The following LRRC3B variants were observed in gnomAD, a reference collection of about 807,000 sequenced individuals.
LRRC3B encodes the protein leucine rich repeat containing 3B.
A neutral mutation model predicts 12.8 loss-of-function variants in LRRC3B; 2 were observed. The observed-to-expected ratio is 0.16, with a 90% CI of 0.06 to 0.49. The LOEUF is 0.49. LRRC3B is among the 20% of genes least tolerant of loss of function. The pLI, the probability that LRRC3B is intolerant of heterozygous loss-of-function variation, is 0.96. For synonymous variants in LRRC3B, 132 were observed against 122.0 expected (o/e 1.08, Z -0.54); for missense variants, 189 against 319.4 (o/e 0.59, Z 3.11).
At chr3:26,705,101 A>G (rs1049208125) in intron 1 of LRRC3B, among the ~76,000 whole-genome samples, 2 of 152,180 alleles carry the variant, frequency 1.3e-5, no homozygotes, top group Non-Finnish European at 1.5e-5. Context: ...ATGAAAAGAA[A>G]GAAATAAGCA....
intron 1 of LRRC3B, among the ~76,000 whole-genome samples, chr3:26,690,795 G>T (rs1309599043): frequency 3.3e-5 from 5 of 151,866 alleles, no homozygotes; most frequent in Non-Finnish European, 7.4e-5. Context: ...AACATTTCTG[G>T]ACCATATCCA....
chr3:26,656,429 A>C (rs4327343), intron 1 of LRRC3B, among the ~76,000 whole-genome samples: 61,591 of 151,954 alleles, frequency 0.41, 13,157 homozygotes, highest in Middle Eastern at 0.5. Context: ...ATTATTGTGT[A>C]TACATGGCTT....
intron 1 of LRRC3B, among the ~76,000 whole-genome samples, chr3:26,646,079 T>C (rs1699137491): frequency 6.6e-6 from 1 of 152,206 alleles, no homozygotes; most frequent in East Asian, 1.9e-4. Context: ...ACATTCTCTA[T>C]ACACTTATCG....
At chr3:26,689,826 C>T (rs1021149737) in intron 1 of LRRC3B, among the ~76,000 whole-genome samples, 1 of 152,226 alleles carries the variant, frequency 6.6e-6, no homozygotes, top group South Asian at 2.1e-4. Context: ...ACAGCTGTAA[C>T]AGTCAGATGG....
In LRRC3B at chr3:26,674,405, ATAAAG is replaced by A. The variant is rs570409388; in HGVS notation, c.-160-35103_-160-35099del. On this transcript the variant is annotated intron_variant, in intron 1 of 1. Coordinates refer to ENST00000396641, the Ensembl canonical transcript of LRRC3B. ...TTTTGACTAATTTAGCCAGATCAAA[ATAAAG>A]TAAAATATTGGTATTATGCAAATGA... is the stretch of plus-strand genomic sequence containing the variant. Among the ~76,000 whole-genome samples the A allele has an allele frequency of 4.5e-4, 69 of 152,376 alleles. 1 individual carries two copies. Among genetic ancestry groups the A allele is most frequent in the African/African-American group, 1.6e-3 (67 of 41,592 alleles).
intron 1 of LRRC3B, among the ~76,000 whole-genome samples, chr3:26,706,516 G>T (rs1038110609): frequency 1.3e-5 from 2 of 152,172 alleles, no homozygotes; most frequent in African/African-American, 4.8e-5. Context: ...GGCGTGCTCT[G>T]TATTTGTACT....
In LRRC3B at chr3:26,684,241, G is replaced by A. The variant is rs143403312; in HGVS notation, c.-160-25272G>A. 5.8e-3 allele frequency among the ~76,000 whole-genome samples: 889 copies of A among 152,346 alleles called. 33 individuals are homozygous for A. The highest frequency in any genetic ancestry group is 0.043 in the Admixed American group (657 of 15,308). ...AAGGAACCAGGGGTGAAAGTAGATT[G>A]TATGTAACTGTCAATCCCACTGGTT... is the stretch of plus-strand genomic sequence containing the variant. On this transcript the variant is annotated intron_variant, in intron 1 of 1. Transcript: ENST00000396641.
At chr3:26,683,277 T>C (rs1433676678) in intron 1 of LRRC3B, among the ~76,000 whole-genome samples, 1 of 152,196 alleles carries the variant, frequency 6.6e-6, no homozygotes, top group Non-Finnish European at 1.5e-5. Flanking sequence ...AACTACATTA[T>C]AGGACCACTT....
chr3:26,671,011 C>CTTTTTTTTTTTTTTT (rs762788262), intron 1 of LRRC3B, among the ~76,000 whole-genome samples: 1 of 95,558 alleles, frequency 1.0e-5, no homozygotes, highest in African/African-American at 4.4e-5. Context: ...TCTCATGTAT[C>CTTTTTTTTTTTTTTT]TTTTTTTTTT....
intron 1 of LRRC3B, among the ~76,000 whole-genome samples, chr3:26,653,526 G>A (rs1412655467): frequency 6.6e-6 from 1 of 151,920 alleles, no homozygotes; most frequent in Non-Finnish European, 1.5e-5. Flanking sequence ...GGGAAGCTGA[G>A]AGAGATGAAG....
intron 1 of LRRC3B, among the ~76,000 whole-genome samples, chr3:26,645,621 C>A (rs1331786319): frequency 6.6e-6 from 1 of 151,938 alleles, no homozygotes; most frequent in Admixed American, 6.6e-5. Flanking sequence ...GCCTACTATG[C>A]TTCCGGCATT....
At chr3:26,679,063 A>G (rs1443991214) in intron 1 of LRRC3B, among the ~76,000 whole-genome samples, 2 of 152,226 alleles carry the variant, frequency 1.3e-5, no homozygotes, top group Non-Finnish European at 2.9e-5. Flanking sequence ...ATTGTTATGC[A>G]TAGCCATAAC....
intron 1 of LRRC3B, among the ~76,000 whole-genome samples, chr3:26,680,292 A>C (rs1699945478): frequency 6.6e-6 from 1 of 152,094 alleles, no homozygotes; most frequent in Non-Finnish European, 1.5e-5. Flanking sequence ...TAAATGTATA[A>C]ATTCTCTTCT....
chr3:26,646,798 G>A (rs1353552336), intron 1 of LRRC3B, among the ~76,000 whole-genome samples: 1 of 152,018 alleles, frequency 6.6e-6, no homozygotes, highest in Non-Finnish European at 1.5e-5. Context: ...CCAGATGGTA[G>A]GGTGTGGGTG....
At chr3:26,640,998 T>A (rs1699019516) in intron 1 of LRRC3B, among the ~76,000 whole-genome samples, 2 of 152,148 alleles carry the variant, frequency 1.3e-5, no homozygotes, top group South Asian at 4.1e-4. Context: ...ATAAACAGAC[T>A]TTCTACAGTT....
chr3:26,695,201 T>C (rs998219229), intron 1 of LRRC3B, among the ~76,000 whole-genome samples: 1 of 152,174 alleles, frequency 6.6e-6, no homozygotes, highest in South Asian at 2.1e-4. Flanking sequence ...AATCTCTTTA[T>C]GACAAATATT....
In LRRC3B at chr3:26,687,645, T is replaced by C. The variant is rs182020994; in HGVS notation, c.-160-21868T>C. ...TGGGGTACAAGAATAGCAAGGAGAA[T>C]TGAAACCCACAGAAGAGCTGCAGCC... On this transcript the variant is annotated intron_variant, in intron 1 of 1. Coordinates refer to ENST00000396641, the Ensembl canonical transcript of LRRC3B. Among the ~76,000 whole-genome samples the C allele has an allele frequency of 2.4e-4, 37 of 152,260 alleles. No homozygotes were observed. In the Middle Eastern group the frequency reaches 0.01, roughly 42 times the overall value.
At chr3:26,667,300 C>A (rs1042121658) in intron 1 of LRRC3B, among the ~76,000 whole-genome samples, 5 of 152,088 alleles carry the variant, frequency 3.3e-5, no homozygotes, top group African/African-American at 1.2e-4. Flanking sequence ...ATTCTATATT[C>A]TGTTAAAATG....
chr3:26,673,528 G>T (rs1474247027), intron 1 of LRRC3B, among the ~76,000 whole-genome samples: 2 of 152,308 alleles, frequency 1.3e-5, no homozygotes, highest in Admixed American at 6.5e-5. Context: ...AGGTATGGTG[G>T]ACACAAATAC....
Sources: gnomAD v4.1 joint callset for allele counts (sites outside exome capture counted in the v4.1 genomes callset) on GRCh38, gnomAD v4.1.1 for gene constraint, MANE v1.5 for transcripts, NCBI Gene and HGNC (gene_info 2026-07-23, HGNC 2026-07-21) for gene names.